The following MARCHF1 variants were observed in gnomAD, a reference collection of about 807,000 sequenced individuals.
MARCHF1 encodes the protein E3 ubiquitin-protein ligase MARCHF1.
A neutral mutation model predicts 54.2 loss-of-function variants in MARCHF1; 40 were observed. The observed-to-expected ratio is 0.74, with a 90% CI of 0.57 to 0.96. MARCHF1 has a LOEUF of 0.96. Among genes scored for constraint, MARCHF1 ranks in the 40% least tolerant of loss-of-function variants. The pLI is 0.00. For missense variants in MARCHF1, 586 were observed against 656.5 expected (o/e 0.89, Z 1.17); for synonymous variants, 236 against 236.3 (o/e 1.00, Z 0.01).
At chr4:164,194,556 T>C (rs1731202254) in intron 1 of MARCHF1, among the ~76,000 whole-genome samples, 1 of 152,220 alleles carries the variant, frequency 6.6e-6, no homozygotes, top group South Asian at 2.1e-4. Flanking sequence ...GTTAATTAAC[T>C]TCTCACACTC....
Position 163,726,657 on chromosome 4 carries a change from G to A in MARCHF1, c.112-25794C>T, listed in dbSNP as rs546610084. Among the ~76,000 whole-genome samples, 14 of 152,266 alleles carry A rather than the reference G, an allele frequency of 9.2e-5. No individual in the cohort carries two copies. The South Asian group carries it at 1.9e-3, about 20-fold the overall frequency. ...CAATTACTAGACTGTATAAGAGTAT[G>A]TTTAGTTCAGTAAGAAACTCACAAA... is the stretch of plus-strand genomic sequence containing the variant. On this transcript the variant is annotated intron_variant, in intron 4 of 9. Coordinates refer to ENST00000514618, the MANE Select transcript of MARCHF1 (RefSeq NM_001394959.1).
intron 2 of MARCHF1, among the ~76,000 whole-genome samples, chr4:164,054,021 C>A (rs1579494904): frequency 6.6e-6 from 1 of 152,142 alleles, no homozygotes; most frequent in South Asian, 2.1e-4. Context: ...TCGCAACCTA[C>A]TCATCTGACA....
At chr4:164,169,154 A>AT (rs1730461061) in intron 1 of MARCHF1, among the ~76,000 whole-genome samples, 1 of 152,102 alleles carries the variant, frequency 6.6e-6, no homozygotes. Flanking sequence ...CATAATAACC[A>AT]TTTTACTATC....
chr4:163,648,367 T>C (rs1418303373), intron 5 of MARCHF1, among the ~76,000 whole-genome samples: 3 of 151,872 alleles, frequency 2.0e-5, no homozygotes, highest in Non-Finnish European at 2.9e-5. Flanking sequence ...GTACAGAACA[T>C]TGTCTAAGGA....
At chr4:163,935,698 CTTTCTTTTTTTTT>C (rs1456419366) in intron 3 of MARCHF1, among the ~76,000 whole-genome samples, 3 of 87,124 alleles carry the variant, frequency 3.4e-5, no homozygotes, top group African/African-American at 1.3e-4. Flanking sequence ...GTTTTGCTTG[CTTTCTTTTTTTTT>C]TTTTTTTTTT....
intron 5 of MARCHF1, among the ~76,000 whole-genome samples, chr4:163,633,943 A>G (rs1435652849): frequency 1.3e-5 from 2 of 152,214 alleles, no homozygotes; most frequent in Admixed American, 6.5e-5. Context: ...GCCAATATTC[A>G]ACATTCTTAA....
chr4:163,999,448 C>T (rs1753143978), intron 2 of MARCHF1, among the ~76,000 whole-genome samples: 1 of 151,334 alleles, frequency 6.6e-6, no homozygotes, highest in South Asian at 2.1e-4. Flanking sequence ...TGACACTCTA[C>T]TTAAGAGTAT....
chr4:163,569,386 G>A (rs778087548), intron 8 of MARCHF1, among the ~76,000 whole-genome samples: 5 of 152,052 alleles, frequency 3.3e-5, no homozygotes, highest in Non-Finnish European at 1.5e-5. Context: ...ATTAAACAGC[G>A]TTGAAAACCA....
intron 3 of MARCHF1, among the ~76,000 whole-genome samples, chr4:163,976,251 T>G (rs1454135519): frequency 6.6e-6 from 1 of 152,136 alleles, no homozygotes; most frequent in Non-Finnish European, 1.5e-5. Flanking sequence ...ACTTGTCTCT[T>G]TATTTTAGAG....
At chr4:163,873,436 CCTAATGCCT>C (rs1019126598) in intron 3 of MARCHF1, among the ~76,000 whole-genome samples, 1 of 152,204 alleles carries the variant, frequency 6.6e-6, no homozygotes, top group African/African-American at 2.4e-5. Flanking sequence ...TGCCTCATTT[CCTAATGCCT>C]CTGTTTATCT....
intron 1 of MARCHF1, among the ~76,000 whole-genome samples, chr4:164,351,095 C>G (rs948170813): frequency 6.6e-6 from 1 of 152,246 alleles, no homozygotes; most frequent in Admixed American, 6.5e-5. Flanking sequence ...TATCCCTCAC[C>G]TGGCTCGGAG....
chr4:163,809,722 C>T (rs1245235741), intron 4 of MARCHF1, among the ~76,000 whole-genome samples: 1 of 151,078 alleles, frequency 6.6e-6, no homozygotes, highest in African/African-American at 2.5e-5. Flanking sequence ...TGTATTTACA[C>T]ATACATGTAA....
chr4:163,757,162 A>G (rs1746701618), intron 4 of MARCHF1, among the ~76,000 whole-genome samples: 1 of 152,238 alleles, frequency 6.6e-6, no homozygotes. Context: ...ATCATTGTGT[A>G]AACTGGCAAA....
At chr4:163,866,466 T>TTATATATATA (rs57733725) in intron 3 of MARCHF1, among the ~76,000 whole-genome samples, 3,154 of 124,344 alleles carry the variant, frequency 0.025, 133 homozygotes, top group South Asian at 0.048. Flanking sequence ...AAAGCTGTAG[T>TTATATATATA]TATATATATA....
chr4:163,904,029 G>A (rs1391098327), intron 3 of MARCHF1, among the ~76,000 whole-genome samples: 1 of 152,106 alleles, frequency 6.6e-6, no homozygotes, highest in African/African-American at 2.4e-5. Context: ...TCCAAATATA[G>A]GTAATCTGAA....
intron 5 of MARCHF1, among the ~76,000 whole-genome samples, chr4:163,656,594 C>CACA (rs1482832429): frequency 2.6e-5 from 4 of 151,982 alleles, no homozygotes; most frequent in African/African-American, 9.6e-5. Context: ...CTGGCAGAGA[C>CACA]ACAACAACAA....
At chr4:163,665,278 A>C (rs1406430260) in intron 5 of MARCHF1, among the ~76,000 whole-genome samples, 1 of 152,100 alleles carries the variant, frequency 6.6e-6, no homozygotes, top group Non-Finnish European at 1.5e-5. Flanking sequence ...ATGTTTTTTA[A>C]TTGCGTAAAA....
intron 1 of MARCHF1, among the ~76,000 whole-genome samples, chr4:164,200,911 G>A (rs1238306253): frequency 6.6e-6 from 1 of 152,124 alleles, no homozygotes; most frequent in East Asian, 1.9e-4. Context: ...GGAGTGGAGA[G>A]CATTCCAGGC....
At chr4:164,167,299 G>T (rs2321369) in intron 1 of MARCHF1, among the ~76,000 whole-genome samples, 1 of 151,562 alleles carries the variant, frequency 6.6e-6, no homozygotes, top group South Asian at 2.1e-4. Context: ...AAATGGAAGG[G>T]TATATTATAT....
Sources: gnomAD v4.1 joint callset for allele counts (sites outside exome capture counted in the v4.1 genomes callset) on GRCh38, gnomAD v4.1.1 for gene constraint, MANE v1.5 for transcripts, NCBI Gene and HGNC (gene_info 2026-07-23, HGNC 2026-07-21) for gene names.